Variants in STOX1 observed in about 807,000 individuals in gnomAD.
STOX1 encodes storkhead box 1.
A neutral mutation model predicts 74.8 loss-of-function variants in STOX1; 57 were observed. The ratio of observed to expected loss-of-function variants is 0.76; its 90% CI spans 0.62 to 0.95. STOX1 has a LOEUF of 0.95. Among genes scored for constraint, STOX1 ranks in the 40% least tolerant of loss-of-function variants. The pLI, the probability that STOX1 is intolerant of heterozygous loss-of-function variation, is 0.00. For missense variants in STOX1, 1,010 were observed against 1,117.0 expected (o/e 0.90, Z 1.37); for synonymous variants, 375 against 401.3 (o/e 0.93, Z 0.78).
downstream of STOX1, among the ~76,000 whole-genome samples, chr10:68,893,738 A>C (rs1181931970): frequency 6.6e-6 from 1 of 152,210 alleles, no homozygotes; most frequent in Non-Finnish European, 1.5e-5. Flanking sequence ...TATAGATGGC[A>C]GTGAGAAGTC....
intron 1 of STOX1, among the ~76,000 whole-genome samples, chr10:68,876,223 T>C (rs1840674409): frequency 6.6e-6 from 1 of 151,752 alleles, no homozygotes; most frequent in African/African-American, 2.4e-5. Flanking sequence ...AATGGCGCGA[T>C]CTCGGCTCAC....
At chr10:68,891,693 T>C (rs1841102023) in intron 3 of STOX1, among the ~76,000 whole-genome samples, 1 of 151,226 alleles carries the variant, frequency 6.6e-6, no homozygotes, top group African/African-American at 2.4e-5. Context: ...TCCCAGCTAC[T>C]CAGGAGGCTG....
rs1411759498 is a variant in STOX1, at chr10:68,892,582, T to C, written c.2823-7T>C. Reference sequence around the variant, plus strand: ...GCCAATAATTCTGTTATTTTTAATATCTTTAGGACACAGAGTCTGGGATCT... The same window carrying C: ...GCCAATAATTCTGTTATTTTTAATACCTTTAGGACACAGAGTCTGGGATCT... On this transcript the variant is annotated splice_region_variant and splice_polypyrimidine_tract_variant and intron_variant, in intron 3 of 3. Transcript: ENST00000298596. 6.2e-7 allele frequency: 1 copy of C among 1,612,728 alleles called. No individual in the cohort carries two copies. The highest frequency in any genetic ancestry group is 1.1e-5 in the South Asian group (1 of 90,968).
intron 1 of STOX1, among the ~76,000 whole-genome samples, chr10:68,844,965 G>A (rs966464924): frequency 6.6e-6 from 1 of 152,100 alleles, no homozygotes; most frequent in African/African-American, 2.4e-5. Context: ...GTTTTGACAT[G>A]TTGGCCAGGC....
chr10:68,856,111 A>G (rs904129047), intron 1 of STOX1, among the ~76,000 whole-genome samples: 1 of 151,758 alleles, frequency 6.6e-6, no homozygotes, highest in Non-Finnish European at 1.5e-5. Context: ...TTGGGAGAGC[A>G]GGGCAAAATG....
chr10:68,886,356 A>AT lies in STOX1; in HGVS notation c.2561dup (p.Phe855LeufsTer2). 1 of 1,614,246 alleles carries AT rather than the reference A, an allele frequency of 6.2e-7. No homozygotes were observed. The highest frequency in any genetic ancestry group is 8.5e-7 in the Non-Finnish European group (1 of 1,180,048). ...GGCCTCAGCACCTGCTGATGAAAGA[A>AT]TCTTTGATTACTATAGCGCAAGAAA... On this transcript the variant is annotated frameshift_variant, in exon 3 of 4. Coordinates refer to ENST00000298596, the MANE Select transcript of STOX1 (RefSeq NM_152709.5). LOFTEE classifies it high-confidence loss of function.
chr10:68,871,038 A>G (rs527514709), intron 1 of STOX1, among the ~76,000 whole-genome samples: 1 of 152,230 alleles, frequency 6.6e-6, no homozygotes, highest in African/African-American at 2.4e-5. Flanking sequence ...ACACGACTGA[A>G]TAAAGTCATG....
intron 2 of STOX1, among the ~76,000 whole-genome samples, chr10:68,883,105 T>C (rs555232568): frequency 1.1e-3 from 168 of 151,866 alleles, no homozygotes; most frequent in Non-Finnish European, 1.8e-3. Context: ...GGGCCGGGTG[T>C]GGTGGCTCAC....
At chr10:68,833,080 GTTTT>G (rs1185911507) in intron 1 of STOX1, among the ~76,000 whole-genome samples, 3 of 104,628 alleles carry the variant, frequency 2.9e-5, no homozygotes, top group African/African-American at 4.1e-5. Flanking sequence ...ACTTCTGTGG[GTTTT>G]TTTTTTTTTT....
At chr10:68,844,227 G>GTA (rs1279527695) in intron 1 of STOX1, among the ~76,000 whole-genome samples, 6 of 147,770 alleles carry the variant, frequency 4.1e-5, no homozygotes, top group South Asian at 4.3e-4. Flanking sequence ...ACTTTAATTT[G>GTA]TATTTCCCTA....
chr10:68,857,263 T>C (rs981664400), intron 1 of STOX1, among the ~76,000 whole-genome samples: 7 of 152,024 alleles, frequency 4.6e-5, no homozygotes, highest in African/African-American at 1.2e-4. Flanking sequence ...AGACACTTCA[T>C]AGGTGAGGGA....
rs1589236911 is a variant in STOX1, at chr10:68,884,517, T to G, written c.721T>G (p.Cys241Gly). 1 of 1,613,808 alleles carries G rather than the reference T, an allele frequency of 6.2e-7. No homozygotes were observed. The highest frequency in any genetic ancestry group is 1.1e-5 in the South Asian group (1 of 91,088). ...AQENAAPISH[C>G]QSCQCFRDMH... The stretch of plus-strand genomic sequence containing the variant: ...AGAGAATGCTGCCCCCATATCCCAC[T>G]GTCAGTCTTGCCAGTGTTTCCGGGA... Residue 241 changes from cysteine to glycine, a missense_variant, in exon 3 of 4, where the codon TGT becomes GGT. Coordinates refer to ENST00000298596, the MANE Select transcript of STOX1 (RefSeq NM_152709.5).
At chr10:68,844,294 C>CT (rs777175392) in intron 1 of STOX1, among the ~76,000 whole-genome samples, 76,188 of 105,008 alleles carry the variant, frequency 0.73, 28,471 homozygotes, top group Non-Finnish European at 0.8. Flanking sequence ...TCTGGATCTT[C>CT]TTTTTTTTTT....
At chr10:68,846,408 C>G (rs931809347) in intron 1 of STOX1, among the ~76,000 whole-genome samples, 2 of 152,154 alleles carry the variant, frequency 1.3e-5, no homozygotes, top group African/African-American at 2.4e-5. Context: ...CCCCGGCCCC[C>G]CAAAGTCCTG....
chr10:68,829,005 C>T, intron 1 of STOX1: 2 of 985,364 alleles, frequency 2.0e-6, no homozygotes, highest in South Asian at 4.7e-5. Flanking sequence ...GGTGTGTCAG[C>T]TCCCTGTAAC....
At chr10:68,889,922 A>G (rs1242409248) in intron 3 of STOX1, among the ~76,000 whole-genome samples, 1 of 150,156 alleles carries the variant, frequency 6.7e-6, no homozygotes, top group African/African-American at 2.5e-5. Flanking sequence ...TGCGTGAGCC[A>G]CCATGCCCAG....
intron 1 of STOX1, among the ~76,000 whole-genome samples, chr10:68,857,825 GA>G (rs1840165272): frequency 6.6e-6 from 1 of 152,036 alleles, no homozygotes; most frequent in African/African-American, 2.4e-5. Flanking sequence ...GGAAAGGGAG[GA>G]GGTGGCCTGG....
rs1016275332 is a variant in STOX1, at chr10:68,876,516, TAAC to T, written c.311-5433_311-5431del. Among the ~76,000 whole-genome samples, 487 of 152,060 alleles carry T rather than the reference TAAC, an allele frequency of 3.2e-3. 7 individuals are homozygous for T. The highest frequency in any genetic ancestry group is 0.011 in the African/African-American group (457 of 41,484). ...GTAGTACAGCAAAGAATCAGTAAATTAACAACAACAAACCTTTTCAGAAAGTGT... is the reference window on the plus strand; with the variant it reads ...GTAGTACAGCAAAGAATCAGTAAATTAACAACAAACCTTTTCAGAAAGTGT... On this transcript the variant is annotated intron_variant, in intron 1 of 3. Coordinates refer to ENST00000298596, the MANE Select transcript of STOX1 (RefSeq NM_152709.5).
intron 1 of STOX1, among the ~76,000 whole-genome samples, chr10:68,836,310 C>A (rs1239780050): frequency 6.6e-6 from 1 of 152,166 alleles, no homozygotes; most frequent in Admixed American, 6.5e-5. Flanking sequence ...AGATAAGGTA[C>A]CTGAGAGCCT....
Sources: gnomAD v4.1 joint callset for allele counts (sites outside exome capture counted in the v4.1 genomes callset) on GRCh38, gnomAD v4.1.1 for gene constraint, MANE v1.5 for transcripts, NCBI Gene and HGNC (gene_info 2026-07-23, HGNC 2026-07-21) for gene names.